The following SLC27A6 variants were observed in gnomAD, a reference collection of about 807,000 sequenced individuals.
SLC27A6 encodes the protein long-chain fatty acid transport protein 6.
In SLC27A6, 74 loss-of-function variants were observed where a neutral mutation model predicts 63.9. That is an observed-to-expected ratio of 1.16 (90% CI 0.96 to 1.40). The LOEUF is 1.40. Among genes scored for constraint, SLC27A6 ranks in the 40% most tolerant of loss-of-function variants. The pLI is 0.00. For synonymous variants in SLC27A6, 287 were observed against 260.8 expected, an observed-to-expected ratio of 1.10 and a Z score of -0.97; for missense variants, 794 against 732.9, an observed-to-expected ratio of 1.08 and a Z score of -0.96.
chr5:129,014,537 C>G (rs1210689254), intron 4 of SLC27A6, among the ~76,000 whole-genome samples: 1 of 152,110 alleles, frequency 6.6e-6, no homozygotes, highest in Non-Finnish European at 1.5e-5. Flanking sequence ...CCTCCAAATC[C>G]ATTTTAGTTT....
intron 1 of SLC27A6, among the ~76,000 whole-genome samples, chr5:128,976,755 CA>C (rs1348980263): frequency 2.0e-5 from 3 of 152,158 alleles, no homozygotes; most frequent in African/African-American, 7.2e-5. Context: ...ATAGAGAAGA[CA>C]CAGGATTTTT....
chr5:128,999,044 C>G (rs1751248749), intron 4 of SLC27A6, among the ~76,000 whole-genome samples: 1 of 152,106 alleles, frequency 6.6e-6, no homozygotes. Context: ...TTAAGCCTAA[C>G]CAACAACCAT....
At chr5:129,012,536 T>C (rs1751759644) in intron 4 of SLC27A6, among the ~76,000 whole-genome samples, 1 of 152,152 alleles carries the variant, frequency 6.6e-6, no homozygotes, top group African/African-American at 2.4e-5. Flanking sequence ...TTCCCGCTTA[T>C]TCTATCAGTA....
rs562549804 is a variant in SLC27A6 at position 128,976,517 on chromosome 5, A to G, written c.482-8616A>G. On this transcript the variant is annotated intron_variant, in intron 1 of 9. Transcript: ENST00000262462. ...CAACAAGAATGAAACTCCGTCTCAA[A>G]CAAAACAAAACAAAACAAAACAAAA... 2.2e-3 allele frequency among the ~76,000 whole-genome samples: 334 copies of G among 151,310 alleles called. 2 individuals carry two copies. The highest frequency in any genetic ancestry group is 7.8e-3 in the African/African-American group (319 of 41,146).
chr5:128,994,521 G>A (rs1169333269), intron 4 of SLC27A6, among the ~76,000 whole-genome samples: 1 of 152,086 alleles, frequency 6.6e-6, no homozygotes, highest in African/African-American at 2.4e-5. Flanking sequence ...GAAATGAAGG[G>A]GCAGTTTCTG....
intron 1 of SLC27A6, 137 bp downstream of exon 1, chr5:128,966,755 T>C (rs1749920663): frequency 4.4e-6 from 4 of 905,234 alleles, no homozygotes; most frequent in African/African-American, 1.7e-5. Context: ...AAAATAGTTT[T>C]ATGATTCTAT....
intron 1 of SLC27A6, among the ~76,000 whole-genome samples, chr5:128,984,739 A>G (rs1750726925): frequency 6.6e-6 from 1 of 152,242 alleles, no homozygotes; most frequent in Non-Finnish European, 1.5e-5. Flanking sequence ...ACTGAAGAGT[A>G]ACCTGCAGAC....
At chr5:128,978,993 T>C (rs1370465895) in intron 1 of SLC27A6, among the ~76,000 whole-genome samples, 13 of 152,140 alleles carry the variant, frequency 8.5e-5, no homozygotes, top group Non-Finnish European at 1.9e-4. Context: ...TCATACAGCC[T>C]AGGTGTGTAG....
chr5:128,966,498 G>A lies in SLC27A6; in HGVS notation c.361G>A (p.Val121Met), dbSNP rs776592048. Residue 121 changes from valine to methionine, a missense_variant, in exon 1 of 10, where the codon GTG (valine) becomes ATG (methionine). Val to Met is a conservative substitution (Grantham distance 21, BLOSUM62 1). Coordinates refer to ENST00000262462, the MANE Select transcript of SLC27A6 (RefSeq NM_001017372.3). ...LMSNEPDFVH[V>M]WFGLAKLGCV... ...GAGCAATGAGCCGGACTTCGTTCACGTGTGGTTCGGCCTCGCCAAGCTGGG... is the reference window on the plus strand; with the variant it reads ...GAGCAATGAGCCGGACTTCGTTCACATGTGGTTCGGCCTCGCCAAGCTGGG... The A allele has an allele frequency of 2.5e-6, 4 of 1,608,288 alleles. No individual in the cohort carries two copies. The highest frequency in any genetic ancestry group is 1.3e-5 in the African/African-American group (1 of 74,722).
At chr5:129,018,486 C>A (rs775114072) in intron 5 of SLC27A6, among the ~76,000 whole-genome samples, 1 of 152,164 alleles carries the variant, frequency 6.6e-6, no homozygotes, top group African/African-American at 2.4e-5. Context: ...ATAATGCATT[C>A]TTTTAGAACT....
intron 2 of SLC27A6, among the ~76,000 whole-genome samples, chr5:128,988,293 A>G (rs1282557315): frequency 2.0e-5 from 3 of 152,178 alleles, no homozygotes; most frequent in African/African-American, 7.2e-5. Context: ...CTGAAACCAA[A>G]TGTGTGCTAC....
chr5:129,011,969 A>T (rs1408793630), intron 4 of SLC27A6, among the ~76,000 whole-genome samples: 1 of 150,602 alleles, frequency 6.6e-6, no homozygotes, highest in Non-Finnish European at 1.5e-5. Context: ...ATACATATAG[A>T]TATAGATATA....
At chr5:129,023,532 C>T (rs1752139701) in intron 5 of SLC27A6, 88 bp from the exon 6 acceptor site, 4 of 827,642 alleles carry the variant, frequency 4.8e-6, no homozygotes, top group Non-Finnish European at 7.8e-6. Context: ...GCATAGTCTA[C>T]TACAGTAGAC....
At chr5:128,973,330 T>G (rs186600609) in intron 1 of SLC27A6, among the ~76,000 whole-genome samples, 93 of 152,360 alleles carry the variant, frequency 6.1e-4, no homozygotes, top group African/African-American at 2.2e-3. Flanking sequence ...CGTTTAAGTC[T>G]GCAGAAGTGT....
intron 4 of SLC27A6, among the ~76,000 whole-genome samples, chr5:128,997,195 G>T (rs1197787067): frequency 1.3e-5 from 2 of 151,976 alleles, no homozygotes; most frequent in African/African-American, 4.8e-5. Flanking sequence ...TTGTTATCAA[G>T]ATATTCTGAT....
At chr5:128,992,452 A>G (rs1751017416) in intron 4 of SLC27A6, among the ~76,000 whole-genome samples, 1 of 152,192 alleles carries the variant, frequency 6.6e-6, no homozygotes, top group African/African-American at 2.4e-5. Flanking sequence ...GAGTTCACCA[A>G]GGAGAAACCT....
intron 4 of SLC27A6, among the ~76,000 whole-genome samples, chr5:128,994,027 G>A (rs545390145): frequency 1.7e-4 from 26 of 152,130 alleles, no homozygotes; most frequent in African/African-American, 6.0e-4. Flanking sequence ...AATTAGCCGG[G>A]CGTGGTGGCG....
chr5:129,016,057 G>C lies in SLC27A6; in HGVS notation c.1142G>C (p.Gly381Ala), dbSNP rs900563973. ...TACACTGGGAGAATTGGAGCAATTGGGAGAACAAATTTGTTTTACAAAGTA... is the reference window on the plus strand; with the variant it reads ...TACACTGGGAGAATTGGAGCAATTGCGAGAACAAATTTGTTTTACAAAGTA... Reference protein sequence around the residue: ...MNYTGRIGAIGRTNLFYKLLS... With the variant: ...MNYTGRIGAIARTNLFYKLLS... The change falls in exon 5 of 10, where the codon GGG becomes GCG. Residue 381 changes from glycine (G) to alanine (A), a missense_variant. By Grantham distance (60) the Gly-to-Ala change is moderately conservative. Coordinates refer to ENST00000262462, the MANE Select transcript of SLC27A6 (RefSeq NM_001017372.3). 7.6e-6 allele frequency: 12 copies of C among 1,587,100 alleles called. No homozygotes were observed. The Admixed American group carries it at 7.9e-5, about 10-fold the overall frequency.
At chr5:128,978,594 C>A (rs1750471618) in intron 1 of SLC27A6, among the ~76,000 whole-genome samples, 1 of 152,132 alleles carries the variant, frequency 6.6e-6, no homozygotes, top group Non-Finnish European at 1.5e-5. Context: ...TATCACAGTG[C>A]ACATTATCTG....
Sources: gnomAD v4.1 joint callset for allele counts (sites outside exome capture counted in the v4.1 genomes callset) on GRCh38, gnomAD v4.1.1 for gene constraint, MANE v1.5 for transcripts, NCBI Gene and HGNC (gene_info 2026-07-23, HGNC 2026-07-21) for gene names.